Variants in RGS20 observed in about 807,000 individuals in gnomAD.
RGS20 encodes the protein gz-selective GTPase-activating protein.
In RGS20, 30 loss-of-function variants were observed where a neutral mutation model predicts 33.6. The observed-to-expected ratio is 0.89, with a 90% CI of 0.67 to 1.21. The LOEUF is 1.21. Among genes scored for constraint, RGS20 ranks in the 50% most tolerant of loss-of-function variants. The pLI is 0.00. For missense variants in RGS20, 472 were observed against 502.4 expected, an observed-to-expected ratio of 0.94 and a Z score of 0.58; for synonymous variants, 208 against 197.9, an observed-to-expected ratio of 1.05 and a Z score of -0.43.
At chr8:53,919,125 T>G (rs1813575521) in intron 2 of RGS20, among the ~76,000 whole-genome samples, 1 of 152,264 alleles carries the variant, frequency 6.6e-6, no homozygotes, top group African/African-American at 2.4e-5. Context: ...TATTTCATTG[T>G]GGTAGAGATT....
At chr8:53,915,255 CA>C (rs1324694428) in intron 2 of RGS20, among the ~76,000 whole-genome samples, 1 of 152,160 alleles carries the variant, frequency 6.6e-6, no homozygotes, top group Non-Finnish European at 1.5e-5. Flanking sequence ...CCAACAGTGG[CA>C]GGGGAGAGGA....
intron 2 of RGS20, 56 bp downstream of exon 1, chr8:53,881,140 T>A: frequency 7.5e-7 from 1 of 1,338,138 alleles, no homozygotes; most frequent in Non-Finnish European, 9.9e-7. Context: ...GCCCTGAGGC[T>A]TCGTGCTGGA....
intron 2 of RGS20, among the ~76,000 whole-genome samples, chr8:53,882,118 T>G (rs1056232272): frequency 3.3e-5 from 5 of 151,944 alleles, no homozygotes; most frequent in Admixed American, 3.3e-4. Context: ...GGAGGAGCCC[T>G]GAGAGAAGCG....
Position 53,939,677 on chromosome 8 carries a change from G to C in RGS20, c.612G>C (p.Gly204=). 2 of 1,576,102 alleles carry C rather than the reference G, an allele frequency of 1.3e-6. No homozygotes were observed. Among genetic ancestry groups the C allele is most frequent in the Non-Finnish European group, 1.7e-6 (2 of 1,160,900 alleles). The change falls in exon 3 of 6, where the codon GGG becomes GGC. Residue 204 remains glycine (G), a synonymous_variant. Coordinates refer to ENST00000297313, the MANE Select transcript of RGS20 (RefSeq NM_170587.4). ...GCCAGCCCGGAGCGGGGAGTCGCGG[G>C]TCCAACGCATGCTGCTTCTGCTGGT... is the stretch of plus-strand genomic sequence containing the variant.
intron 2 of RGS20, among the ~76,000 whole-genome samples, chr8:53,929,796 C>T (rs1813903708): frequency 1.3e-5 from 2 of 152,182 alleles, no homozygotes; most frequent in African/African-American, 4.8e-5. Context: ...TTCTTCCAGA[C>T]ATTTACAAAC....
chr8:53,908,957 G>T (rs979738369), intron 2 of RGS20, among the ~76,000 whole-genome samples: 1 of 151,898 alleles, frequency 6.6e-6, no homozygotes, highest in Non-Finnish European at 1.5e-5. Flanking sequence ...TGGCATGATG[G>T]ATTTATGGCA....
chr8:53,918,608 G>A (rs1051631453), intron 2 of RGS20, among the ~76,000 whole-genome samples: 1 of 151,902 alleles, frequency 6.6e-6, no homozygotes, highest in Admixed American at 6.6e-5. Context: ...GGCTGGTCTC[G>A]AACTCCTGAC....
intron 2 of RGS20, among the ~76,000 whole-genome samples, chr8:53,896,636 A>G (rs1319864461): frequency 6.6e-6 from 1 of 152,222 alleles, no homozygotes; most frequent in Admixed American, 6.5e-5. Context: ...AAAAAATTTC[A>G]AAAGACAGAC....
At chr8:53,906,127 TCA>T (rs1253904326) in intron 2 of RGS20, among the ~76,000 whole-genome samples, 1 of 152,050 alleles carries the variant, frequency 6.6e-6, no homozygotes, top group African/African-American at 2.4e-5. Context: ...TACAAAAAAC[TCA>T]CTCAGGCCAG....
intron 2 of RGS20, among the ~76,000 whole-genome samples, chr8:53,925,722 C>T (rs1180382721): frequency 6.6e-6 from 1 of 150,866 alleles, no homozygotes; most frequent in Non-Finnish European, 1.5e-5. Flanking sequence ...GCAACAAGAG[C>T]GAAACTCAGT....
intron 2 of RGS20, among the ~76,000 whole-genome samples, chr8:53,911,340 TA>T (rs1263605841): frequency 6.6e-6 from 1 of 152,194 alleles, no homozygotes; most frequent in Non-Finnish European, 1.5e-5. Context: ...CCATAAAACC[TA>T]AAGCCAATTC....
intron 2 of RGS20, among the ~76,000 whole-genome samples, chr8:53,919,861 A>G (rs1813594873): frequency 6.6e-6 from 1 of 151,876 alleles, no homozygotes; most frequent in Non-Finnish European, 1.5e-5. Context: ...TTTTATAAAT[A>G]TGGGATATCT....
chr8:53,932,451 C>T (rs1450805147), intron 2 of RGS20, among the ~76,000 whole-genome samples: 2 of 152,140 alleles, frequency 1.3e-5, no homozygotes, highest in African/African-American at 4.8e-5. Context: ...GGAGGGGCGT[C>T]CACCATTAAT....
At chr8:53,874,735 GC>G (rs1186531243) in intron 1 of RGS20, among the ~76,000 whole-genome samples, 1 of 152,098 alleles carries the variant, frequency 6.6e-6, no homozygotes, top group Non-Finnish European at 1.5e-5. Context: ...CCCAATTTCT[GC>G]CTTACATGGC....
chr8:53,951,340 T>G (rs937425450), intron 4 of RGS20, among the ~76,000 whole-genome samples: 1 of 151,884 alleles, frequency 6.6e-6, no homozygotes, highest in Non-Finnish European at 1.5e-5. Context: ...ACAAAAAAAT[T>G]TAGCTGGCTG....
intron 2 of RGS20, among the ~76,000 whole-genome samples, chr8:53,904,505 A>C (rs1157350628): frequency 6.6e-6 from 1 of 152,232 alleles, no homozygotes; most frequent in Non-Finnish European, 1.5e-5. Flanking sequence ...ATTTGCAATA[A>C]CTACGCAGAA....
intron 5 of RGS20, 115 bp from the exon 5 acceptor site, chr8:53,958,152 CAAA>C: frequency 1.4e-6 from 1 of 732,070 alleles, no homozygotes; most frequent in Non-Finnish European, 2.1e-6. Flanking sequence ...AAACAAACAA[CAAA>C]AAAACCAAAA....
rs143182037 is a variant in RGS20, at chr8:53,924,244, G to A, written c.511-15332G>A. 3.0e-3 allele frequency among the ~76,000 whole-genome samples: 460 copies of A among 151,894 alleles called. 3 individuals are homozygous for A. Among genetic ancestry groups the A allele is most frequent in the African/African-American group, 0.011 (441 of 41,432 alleles). On this transcript the variant is annotated intron_variant, in intron 2 of 5. Coordinates refer to ENST00000297313, the MANE Select transcript of RGS20 (RefSeq NM_170587.4). ...CTTGCTCTGTCACCCAGGCTGAAGT[G>A]CAGTGGTGTATGTTGGCTCACAGCA...
chr8:53,881,106 A>T, intron 2 of RGS20, 22 bp downstream of exon 1: 1 of 1,479,168 alleles, frequency 6.8e-7, no homozygotes, highest in Non-Finnish European at 8.9e-7. Context: ...AGTTCCTCGA[A>T]CTCTCTTTCT....
Sources: allele counts gnomAD v4.1 joint callset (sites outside exome capture counted in the v4.1 genomes callset), GRCh38; gene constraint gnomAD v4.1.1; transcripts MANE v1.5; gene names NCBI Gene and HGNC (gene_info 2026-07-23, HGNC 2026-07-21).